The following PTDSS1 variants were observed in gnomAD, a reference collection of about 807,000 sequenced individuals.
PTDSS1 encodes phosphatidylserine synthase 1.
In PTDSS1, 45 loss-of-function variants were observed where a neutral mutation model predicts 70.5. That is an observed-to-expected ratio of 0.64 (90% CI 0.50 to 0.82). The LOEUF (loss-of-function observed/expected upper bound fraction) is 0.82. Ranked by LOEUF, PTDSS1 falls within the 40% of genes least tolerant of loss-of-function variation. PTDSS1 has a pLI of 0.00. For synonymous variants in PTDSS1, 188 were observed against 203.8 expected, an observed-to-expected ratio of 0.92 and a Z score of 0.66; for missense variants, 417 against 586.1, an observed-to-expected ratio of 0.71 and a Z score of 2.98.
chr8:96,264,409 A>G (rs1810458468), intron 1 of PTDSS1, among the ~76,000 whole-genome samples: 1 of 152,184 alleles, frequency 6.6e-6, no homozygotes, highest in South Asian at 2.1e-4. Context: ...TCTAATTTAT[A>G]TTTATTATTG....
intron 1 of PTDSS1, among the ~76,000 whole-genome samples, chr8:96,267,404 C>G (rs773086416): frequency 6.6e-5 from 10 of 152,178 alleles, no homozygotes; most frequent in Admixed American, 1.3e-4. Flanking sequence ...CGTTCCCAAG[C>G]CTTTGCTCAG....
At chr8:96,295,589 G>C (rs931666684) in intron 5 of PTDSS1, among the ~76,000 whole-genome samples, 1 of 152,160 alleles carries the variant, frequency 6.6e-6, no homozygotes, top group Admixed American at 6.5e-5. Flanking sequence ...TAGATCAGTT[G>C]ACCTACTAAC....
chr8:96,273,652 T>G (rs747903705), intron 2 of PTDSS1, among the ~76,000 whole-genome samples: 3 of 152,162 alleles, frequency 2.0e-5, no homozygotes, highest in Non-Finnish European at 4.4e-5. Context: ...ACTAAATGGG[T>G]GCACGTTAAA....
At chr8:96,291,156 T>A (rs1304176555) in intron 4 of PTDSS1, among the ~76,000 whole-genome samples, 1 of 151,954 alleles carries the variant, frequency 6.6e-6, no homozygotes, top group Admixed American at 6.6e-5. Context: ...CTGGTGGGAG[T>A]GGGGGAGAGG....
chr8:96,284,134 C>T lies in PTDSS1; in HGVS notation c.297C>T (p.Ala99=). Residue 99 remains alanine, a synonymous_variant, in exon 3 of 13, where the codon GCC becomes GCT. Transcript: ENST00000517309. ...PNGPFTRPHP[A]LWRMVFGLSV... ...GTCCGTTCACTCGACCTCATCCAGC[C>T]TTATGGCGAATGGTTTTTGGTGAGT... 6.2e-7 allele frequency: 1 copy of T among 1,610,328 alleles called. No individual in the cohort carries two copies. Among genetic ancestry groups the T allele is most frequent in the Non-Finnish European group, 8.5e-7 (1 of 1,177,098 alleles).
rs926526463 is a variant in PTDSS1 at position 96,306,636 on chromosome 8, A to G, written c.1007+80A>G. ...TCCTGTTTAGCATAAGGAAAGTCAT[A>G]TAAACTAGCAGATTTTCCATGAAAA... On this transcript the variant is annotated intron_variant, in intron 8 of 12. Transcript: ENST00000517309. The G allele has an allele frequency of 1.9e-5, 20 of 1,064,976 alleles. No individual in the cohort carries two copies. The South Asian group carries it at 2.5e-4, about 13-fold the overall frequency. The allele number at this position is 1,064,976 out of a possible 1,614,324, so 66.0% of individuals were successfully genotyped here.
At position 96,330,255 on chromosome 8, in the gene PTDSS1, G is replaced by A. The variant is rs1025716900; in HGVS notation, c.1216G>A (p.Ala406Thr). ...CTGTCTGTACGGCATGATTTGGTAT[G>A]CAGAACACTATGGTCACCGAGAAAA... is the stretch of plus-strand genomic sequence containing the variant. ...FLCLYGMIWYAEHYGHREKTY... is the reference protein window; with the variant it reads ...FLCLYGMIWYTEHYGHREKTY... Residue 406 changes from alanine (A) to threonine (T), a missense_variant, in exon 11 of 13, where the codon GCA becomes ACA. This residue lies in a region of PTDSS1 where 107 missense variants were observed against 122.3 expected (regional missense o/e 0.88). Transcript: ENST00000517309. 3.7e-6 allele frequency: 6 copies of A among 1,612,562 alleles called. No homozygotes were observed. In the African/African-American group the frequency reaches 8.0e-5, roughly 22 times the overall value.
rs1411863077 is a variant in PTDSS1, at chr8:96,331,114, T to C, written c.1312+19T>C. On this transcript the variant is annotated intron_variant, in intron 12 of 12. Transcript: ENST00000517309. ...ACAAAAGGTATCTTGTTCTTGTTCG[T>C]TGTTTAAAATTTTACTGGGTCCTTG... 6.7e-7 allele frequency: 1 copy of C among 1,503,308 alleles called. No homozygotes were observed. The highest frequency in any genetic ancestry group is 9.3e-7 in the Non-Finnish European group (1 of 1,080,282). 93.1% of individuals were successfully genotyped at this position (1,503,308 alleles called of 1,614,324 possible).
chr8:96,299,890 A>T, intron 6 of PTDSS1, 45 bp downstream of exon 6: 4 of 1,565,904 alleles, frequency 2.6e-6, no homozygotes, highest in Non-Finnish European at 3.4e-6. Flanking sequence ...TTTTCATGAT[A>T]TATATTTAAT....
chr8:96,308,251 T>C (rs545926683), intron 8 of PTDSS1, among the ~76,000 whole-genome samples: 28 of 152,320 alleles, frequency 1.8e-4, no homozygotes, highest in African/African-American at 5.8e-4. Context: ...TATAAGGAAA[T>C]GGGTCCAGTT....
intron 10 of PTDSS1, among the ~76,000 whole-genome samples, chr8:96,329,441 A>AT (rs909911890): frequency 2.0e-5 from 3 of 151,938 alleles, no homozygotes; most frequent in African/African-American, 4.8e-5. Flanking sequence ...CTAAGCTTTG[A>AT]TTTTTTGACA....
chr8:96,303,628 G>T lies in PTDSS1; in HGVS notation c.753-412G>T, dbSNP rs78870907. Among the ~76,000 whole-genome samples, 126 of 152,214 alleles carry T rather than the reference G, an allele frequency of 8.3e-4. 1 individual carries two copies. In the East Asian group the frequency reaches 0.012, roughly 15 times the overall value. Reference sequence around the variant, plus strand: ...TGTAGGACTGTTTAGTTCTTTCATGGGTGTGTGAAACTTTTAATTGAGTGA... The same window carrying T: ...TGTAGGACTGTTTAGTTCTTTCATGTGTGTGTGAAACTTTTAATTGAGTGA... On this transcript the variant is annotated intron_variant, in intron 6 of 12. Transcript: ENST00000517309.
intron 6 of PTDSS1, among the ~76,000 whole-genome samples, chr8:96,302,082 A>G (rs1313161005): frequency 6.6e-6 from 1 of 152,000 alleles, no homozygotes; most frequent in Non-Finnish European, 1.5e-5. Context: ...GCAGTGGTGC[A>G]ATCTCAACTC....
At position 96,262,254 on chromosome 8, in the gene PTDSS1, A is replaced by G. The variant is rs1261560666; in HGVS notation, c.179+35A>G. ...CCCAGCCGAGCGGGGGGCGCGTCCA[A>G]GGGCTAGGGAAGAGGCGGGAGGGAG... is the stretch of plus-strand genomic sequence containing the variant. On this transcript the variant is annotated intron_variant, in intron 1 of 12. Transcript: ENST00000517309. The surrounding 1 kb of genome is among the most constrained non-coding windows in gnomAD (Gnocchi z 4.4). 36 of 875,956 alleles carry G rather than the reference A, an allele frequency of 4.1e-5. No individual in the cohort carries two copies. The highest frequency in any genetic ancestry group is 5.1e-5 in the Non-Finnish European group (31 of 613,374). The allele number at this position is 875,956 out of a possible 1,614,324, so 54.3% of individuals were successfully genotyped here.
intron 9 of PTDSS1, among the ~76,000 whole-genome samples, chr8:96,316,427 G>A (rs1204989461): frequency 6.6e-6 from 1 of 152,178 alleles, no homozygotes; most frequent in Non-Finnish European, 1.5e-5. Context: ...AGCAACATGG[G>A]TGCAGCTGGA....
At chr8:96,330,877 G>C in intron 11 of PTDSS1, 149 bp from the exon 12 acceptor site, 1 of 619,124 alleles carries the variant, frequency 1.6e-6, no homozygotes, top group Non-Finnish European at 2.9e-6. Context: ...TTTTATAGCA[G>C]AGAAATATAA....
rs376150368 is a variant in PTDSS1, at chr8:96,327,173, G to A, written c.1174-3040G>A. 7.2e-5 allele frequency among the ~76,000 whole-genome samples: 11 copies of A among 152,194 alleles called. No homozygotes were observed. The East Asian group carries it at 1.2e-3, about 16-fold the overall frequency. ...CACTGGAAGGATTTGGTCGTTGGTG[G>A]AAATAAAATACTTGGGAGGAGCCCA... On this transcript the variant is annotated intron_variant, in intron 10 of 12. Coordinates refer to ENST00000517309, the MANE Select transcript of PTDSS1 (RefSeq NM_014754.3).
chr8:96,319,503 A>G (rs997109127), intron 9 of PTDSS1, among the ~76,000 whole-genome samples: 6 of 151,840 alleles, frequency 4.0e-5, no homozygotes, highest in African/African-American at 1.2e-4. Context: ...CTTAAAAAAA[A>G]ACAAAAAATT....
chr8:96,287,261 TA>T, intron 4 of PTDSS1, 115 bp downstream of exon 4: 2 of 1,392,178 alleles, frequency 1.4e-6, no homozygotes, highest in Non-Finnish European at 2.0e-6. Flanking sequence ...TGTAGTTACC[TA>T]AAAACCAGGT....
Sources: allele counts gnomAD v4.1 joint callset (sites outside exome capture counted in the v4.1 genomes callset), GRCh38; gene constraint gnomAD v4.1.1; regional missense constraint gnomAD v4.1.1; non-coding constraint Gnocchi (gnomAD v3.1); transcripts MANE v1.5; gene names NCBI Gene and HGNC (gene_info 2026-07-23, HGNC 2026-07-21).